Variants in ANKFY1 observed in about 807,000 individuals in gnomAD.
The protein encoded by ANKFY1 is ankyrin repeat and FYVE domain containing 1, also known as ankyrin repeat and FYVE domain-containing protein 1.
A neutral mutation model predicts 128.3 loss-of-function variants in ANKFY1; 47 were observed. That is an observed-to-expected ratio of 0.37 (90% CI 0.29 to 0.47). The LOEUF (loss-of-function observed/expected upper bound fraction) is 0.47, where lower values mean the gene tolerates loss of function less well. Among genes scored for constraint, ANKFY1 ranks in the 20% least tolerant of loss-of-function variants. The probability of loss-of-function intolerance (pLI) is 1.00; values close to 1 mark genes in which losing one functional copy is unlikely to be tolerated. For synonymous variants in ANKFY1, 553 were observed against 601.6 expected, an observed-to-expected ratio of 0.92 and a Z score of 1.18; for missense variants, 1,222 against 1,510.6, an observed-to-expected ratio of 0.81 and a Z score of 3.17.
At chr17:4,241,556 G>T (rs891967306) in intron 2 of ANKFY1, among the ~76,000 whole-genome samples, 3 of 151,836 alleles carry the variant, frequency 2.0e-5, no homozygotes, top group Non-Finnish European at 4.4e-5. Context: ...TTATAGGCAT[G>T]AGCCACCGTG....
At position 4,195,123 on chromosome 17, in the gene ANKFY1, C is replaced by G. The variant is rs2059793794; in HGVS notation, c.1227G>C (p.Val409=). 1.9e-6 allele frequency: 3 copies of G among 1,613,868 alleles called. No homozygotes were observed. In the African/African-American group the frequency reaches 4.0e-5, roughly 22 times the overall value. The change falls in exon 10 of 25, where the codon GTG becomes GTC. Residue 409 remains valine (V), a synonymous_variant. Coordinates refer to ENST00000341657, the MANE Select transcript of ANKFY1 (RefSeq NM_001330063.2). ...HEGSTALWLA[V]QHITVSSDQS... ...GGTCAGAAGACACTGTGATATGCTGCACTGCCAGCCACAGAGCCGTGCTGC... is the reference window on the plus strand; with the variant it reads ...GGTCAGAAGACACTGTGATATGCTGGACTGCCAGCCACAGAGCCGTGCTGC...
At chr17:4,172,352 G>A (rs529308134) in intron 22 of ANKFY1, among the ~76,000 whole-genome samples, 7 of 152,216 alleles carry the variant, frequency 4.6e-5, no homozygotes, top group South Asian at 4.1e-4. Flanking sequence ...GTTTCAGAGC[G>A]CTACATGCAC....
At chr17:4,212,333 C>CCAT (rs2060148131) in intron 4 of ANKFY1, among the ~76,000 whole-genome samples, 1 of 152,208 alleles carries the variant, frequency 6.6e-6, no homozygotes, top group African/African-American at 2.4e-5. Flanking sequence ...GAGTGGAGAC[C>CCAT]CATTACATTT....
At chr17:4,258,152 C>G (rs891534377) in intron 1 of ANKFY1, among the ~76,000 whole-genome samples, 4 of 152,316 alleles carry the variant, frequency 2.6e-5, no homozygotes, top group African/African-American at 7.2e-5. Flanking sequence ...AAGGAACAGT[C>G]CTTAAGAGGT....
At chr17:4,210,107 A>G (rs1268315366) in intron 4 of ANKFY1, among the ~76,000 whole-genome samples, 160 bp from the exon 5 acceptor site, 5 of 152,246 alleles carry the variant, frequency 3.3e-5, no homozygotes. Context: ...TTGGTCTCCC[A>G]TATTTAAAAA....
intron 10 of ANKFY1, chr17:4,194,465 T>TG (rs1313268186): frequency 6.7e-6 from 1 of 148,282 alleles, no homozygotes; most frequent in Non-Finnish European, 1.5e-5. Flanking sequence ...CATCTTTTTT[T>TG]TTTTTTTTTT....
intron 4 of ANKFY1, among the ~76,000 whole-genome samples, chr17:4,211,050 TAAAAAGAA>T (rs1285992183): frequency 4.1e-5 from 6 of 147,506 alleles, no homozygotes; most frequent in Non-Finnish European, 9.0e-5. Flanking sequence ...ACAAAAAAAA[TAAAAAGAA>T]AAAAAGAAAA....
At chr17:4,174,108 C>A in intron 19 of ANKFY1, 52 bp from the exon 20 acceptor site, 2 of 1,595,258 alleles carry the variant, frequency 1.3e-6, no homozygotes. Context: ...AATCAAGATC[C>A]CCCTTATGGG....
At chr17:4,230,736 A>G (rs544790000) in intron 3 of ANKFY1, among the ~76,000 whole-genome samples, 2 of 152,272 alleles carry the variant, frequency 1.3e-5, no homozygotes, top group Non-Finnish European at 2.9e-5. Flanking sequence ...GCTAATTAAC[A>G]TATCACTTCA....
intron 7 of ANKFY1, among the ~76,000 whole-genome samples, chr17:4,198,463 C>T (rs972417911): frequency 1.3e-5 from 2 of 151,880 alleles, no homozygotes; most frequent in Non-Finnish European, 2.9e-5. Context: ...CTTCCGCCTC[C>T]GAAATTCAAG....
chr17:4,187,254 G>A (rs115736596), intron 11 of ANKFY1: 328 of 398,888 alleles, frequency 8.2e-4, no homozygotes, highest in African/African-American at 5.6e-3. Flanking sequence ...TCAAGCATGC[G>A]TGTCACAGAC....
chr17:4,189,890 AG>A (rs2059686472), intron 10 of ANKFY1, among the ~76,000 whole-genome samples: 2 of 150,302 alleles, frequency 1.3e-5, no homozygotes, highest in South Asian at 4.1e-4. Context: ...GCATCCACAC[AG>A]GTACTCTCTG....
At chr17:4,245,999 G>A (rs951733202) in intron 1 of ANKFY1, among the ~76,000 whole-genome samples, 4 of 152,120 alleles carry the variant, frequency 2.6e-5, no homozygotes, top group East Asian at 3.9e-4. Flanking sequence ...AGCCAAGATC[G>A]TGCCACTGCA....
At position 4,178,401 on chromosome 17, in the gene ANKFY1, A is replaced by G. The variant is rs895119982; in HGVS notation, c.2598+456T>C. 6.5e-5 allele frequency: 13 copies of G among 201,068 alleles called. No homozygotes were observed. Among genetic ancestry groups the G allele is most frequent in the Admixed American group, 1.0e-4 (2 of 19,304 alleles). 12.5% of individuals were successfully genotyped at this position (201,068 alleles called of 1,614,324 possible). On this transcript the variant is annotated intron_variant, in intron 18 of 24. Coordinates refer to ENST00000341657, the MANE Select transcript of ANKFY1 (RefSeq NM_001330063.2). The surrounding 1 kb of genome is among the most constrained non-coding windows in gnomAD (Gnocchi z 4.1). ...CCAGCCAACTGCTTGTTGCAGATCA[A>G]CAGTTCACCATCCCGATGTAGCAGC...
At chr17:4,195,315 A>G in intron 9 of ANKFY1, 88 bp downstream of exon 9, 1 of 1,456,120 alleles carries the variant, frequency 6.9e-7, no homozygotes, top group Non-Finnish European at 9.5e-7. Flanking sequence ...TAATATATGC[A>G]ACACTAAAGA....
In ANKFY1 at chr17:4,184,892, T is replaced by C; in HGVS notation, c.1625A>G (p.His542Arg). Reference sequence around the variant, plus strand: ...CGCCATGTGCAGTGGCGTCTGCAGATGGACGCTGTCCGCCAAGCTGGTCAG... The same window carrying C: ...CGCCATGTGCAGTGGCGTCTGCAGACGGACGCTGTCCGCCAAGCTGGTCAG... ...ASLTSLADSVHLQTPLHMAIA... is the reference protein window; with the variant it reads ...ASLTSLADSVRLQTPLHMAIA... The change falls in exon 12 of 25, where the codon CAT (histidine) becomes CGT (arginine). Residue 542 changes from histidine to arginine, a missense_variant. Physicochemically the swap from His to Arg is conservative, Grantham distance 29 (BLOSUM62 0). Transcript: ENST00000341657. The C allele has an allele frequency of 6.2e-7, 1 of 1,614,108 alleles. No individual in the cohort carries two copies. The highest frequency in any genetic ancestry group is 1.1e-5 in the South Asian group (1 of 91,092).
chr17:4,198,090 T>C (rs757821701), intron 7 of ANKFY1, among the ~76,000 whole-genome samples: 142 of 151,678 alleles, frequency 9.4e-4, no homozygotes, highest in Non-Finnish European at 1.7e-3. Flanking sequence ...GACCACATCA[T>C]TGCACTCCAG....
At chr17:4,187,027 T>TG (rs2059624481) in intron 11 of ANKFY1, 6 of 1,227,530 alleles carry the variant, frequency 4.9e-6, no homozygotes, top group Non-Finnish European at 6.1e-6. Context: ...TCAGTGTCTT[T>TG]GGGGTACAGG....
intron 1 of ANKFY1, among the ~76,000 whole-genome samples, chr17:4,256,002 G>C (rs1598157476): frequency 6.6e-6 from 1 of 152,056 alleles, no homozygotes; most frequent in Non-Finnish European, 1.5e-5. Context: ...ATTTTTAGTA[G>C]AGACGGGGTT....
Sources: gnomAD v4.1 joint callset for allele counts (sites outside exome capture counted in the v4.1 genomes callset) on GRCh38, gnomAD v4.1.1 for gene constraint, Gnocchi (gnomAD v3.1) non-coding constraint, MANE v1.5 for transcripts, NCBI Gene and HGNC (gene_info 2026-07-23, HGNC 2026-07-21) for gene names.